Variants in ACACA observed in about 807,000 individuals in gnomAD.
ACACA encodes the protein acetyl-CoA carboxylase 1.
A neutral mutation model predicts 296.1 loss-of-function variants in ACACA; 103 were observed. The ratio of observed to expected loss-of-function variants is 0.35; its 90% CI spans 0.30 to 0.41. The LOEUF (loss-of-function observed/expected upper bound fraction) is 0.41. Among genes scored for constraint, ACACA ranks in the 10% least tolerant of loss-of-function variants. ACACA has a pLI of 1.00. For missense variants in ACACA, 1,554 were observed against 2,989.7 expected (o/e 0.52, Z 11.20); for synonymous variants, 953 against 1,038.6 (o/e 0.92, Z 1.58).
At chr17:37,392,479 T>C (rs1274958461) in intron 1 of ACACA, 1 of 152,142 alleles carries the variant, frequency 6.6e-6, no homozygotes, top group East Asian at 1.9e-4. Flanking sequence ...CCTGCTTAAA[T>C]AAGAGTTTGG....
chr17:37,329,213 T>G (rs899337196), intron 3 of ACACA, among the ~76,000 whole-genome samples: 3 of 152,186 alleles, frequency 2.0e-5, no homozygotes, highest in Non-Finnish European at 4.4e-5. Context: ...CAAAAAAACT[T>G]ACTACGAAGT....
chr17:37,263,894 C>T lies in ACACA; in HGVS notation c.1120G>A (p.Val374Ile), dbSNP rs898693453. 1 of 1,613,242 alleles carries T rather than the reference C, an allele frequency of 6.2e-7. No individual in the cohort carries two copies. Residue 374 changes from valine (V) to isoleucine (I), a missense_variant and splice_region_variant, in exon 11 of 56, where the codon GTT (valine) becomes ATT (isoleucine). Val to Ile is a conservative substitution (Grantham distance 29). This residue lies in a region of ACACA where 82 missense variants were observed against 185.2 expected (regional missense o/e 0.44). Coordinates refer to ENST00000616317, the MANE Select transcript of ACACA (RefSeq NM_198834.3). ...ADDFPNLFRQ[V>I]QAEVPGSPIF... is the part of the protein sequence containing the mutation. ...GGAGATCCAGGAACTTCAGCTTGAA[C>T]CTGTATTAGAAAAGGGGGAAAAAAA...
chr17:37,086,128 G>A lies in ACACA; in HGVS notation c.*1188C>T. On this transcript the variant is annotated 3_prime_UTR_variant, in exon 56 of 56. Coordinates refer to ENST00000616317, the MANE Select transcript of ACACA (RefSeq NM_198834.3). ...ATAATCTTAAGGTCATGTGGATTCT[G>A]TGTTTCCTGGAAGCCTCCCTCATCA... is the stretch of plus-strand genomic sequence containing the variant. 2 of 231,144 alleles carry A rather than the reference G, an allele frequency of 8.7e-6. No individual in the cohort carries two copies. The highest frequency in any genetic ancestry group is 5.7e-5 in the Admixed American group (1 of 17,496). The allele number at this position is 231,144 out of a possible 1,614,324, so 14.3% of individuals were successfully genotyped here.
At chr17:37,370,303 G>A (rs766886100) in intron 1 of ACACA, among the ~76,000 whole-genome samples, 3 of 151,788 alleles carry the variant, frequency 2.0e-5, no homozygotes, top group Non-Finnish European at 4.4e-5. Flanking sequence ...ACAGTGTCCA[G>A]CTGATAATAT....
chr17:37,268,922 T>C (rs2146363499), intron 10 of ACACA, among the ~76,000 whole-genome samples: 1 of 151,168 alleles, frequency 6.6e-6, no homozygotes, highest in South Asian at 2.1e-4. Flanking sequence ...TTTTGAAATG[T>C]CTGTAAGAGT....
chr17:37,385,175 T>C (rs1398651792), intron 1 of ACACA, among the ~76,000 whole-genome samples: 2 of 151,944 alleles, frequency 1.3e-5, no homozygotes, highest in African/African-American at 2.4e-5. Flanking sequence ...CAGAGATCCT[T>C]TGAAAGCAAG....
At chr17:37,381,838 A>AG (rs1484860389) in intron 1 of ACACA, among the ~76,000 whole-genome samples, 2 of 151,648 alleles carry the variant, frequency 1.3e-5, no homozygotes, top group Non-Finnish European at 2.9e-5. Flanking sequence ...CGTGTTGGCC[A>AG]GGATGGTCTC....
intron 45 of ACACA, among the ~76,000 whole-genome samples, chr17:37,134,976 G>A (rs1016251980): frequency 6.6e-6 from 1 of 151,890 alleles, no homozygotes; most frequent in Non-Finnish European, 1.5e-5. Context: ...GGTAAAATAG[G>A]GACAAAAGAA....
intron 1 of ACACA, chr17:37,379,126 T>C: frequency 2.5e-6 from 4 of 1,608,974 alleles, no homozygotes; most frequent in African/African-American, 2.7e-5. Context: ...ATCTGGTTCT[T>C]CTCCTTCCAG....
chr17:37,388,922 C>T, intron 1 of ACACA: 1 of 1,220,336 alleles, frequency 8.2e-7, no homozygotes, highest in Non-Finnish European at 1.1e-6. Context: ...CTCACACTCA[C>T]TAGCTGAGTG....
intron 41 of ACACA, among the ~76,000 whole-genome samples, chr17:37,172,989 T>A (rs1056673908): frequency 6.6e-6 from 1 of 152,168 alleles, no homozygotes; most frequent in East Asian, 1.9e-4. Context: ...TGACACTGAC[T>A]CAATTTCTAT....
At chr17:37,388,816 A>ATCCTTGAACT (rs774289766) in intron 1 of ACACA, 1 of 1,611,954 alleles carries the variant, frequency 6.2e-7, no homozygotes, top group Admixed American at 1.7e-5. Context: ...GTTGTATTGA[A>ATCCTTGAACT]TCCTTGAACT....
Position 37,149,072 on chromosome 17 carries a change from T to C in ACACA, c.5679+792A>G, listed in dbSNP as rs76978382. Among the ~76,000 whole-genome samples the C allele has an allele frequency of 9.1e-3, 1,385 of 152,344 alleles. 9 individuals carry two copies. The highest frequency in any genetic ancestry group is 0.03 in the African/African-American group (1,233 of 41,574). On this transcript the variant is annotated intron_variant, in intron 45 of 55. Coordinates refer to ENST00000616317, the MANE Select transcript of ACACA (RefSeq NM_198834.3). The stretch of plus-strand genomic sequence containing the variant: ...TTGCAAAGATGTCAGAACTGCACTG[T>C]CCTTTATACATTCAGGTATTCTTGG...
At chr17:37,378,542 A>G (rs2050105330) in intron 1 of ACACA, among the ~76,000 whole-genome samples, 1 of 151,898 alleles carries the variant, frequency 6.6e-6, no homozygotes, top group African/African-American at 2.4e-5. Context: ...GTGAAACCCC[A>G]TCTCTACTAA....
intron 52 of ACACA, among the ~76,000 whole-genome samples, chr17:37,105,250 CA>C (rs1262623430): frequency 6.6e-6 from 1 of 152,162 alleles, no homozygotes; most frequent in East Asian, 1.9e-4. Flanking sequence ...ACAACAATCC[CA>C]GTCTGGCAAA....
At chr17:37,297,346 C>G (rs1405022055) in intron 3 of ACACA, among the ~76,000 whole-genome samples, 1 of 149,982 alleles carries the variant, frequency 6.7e-6, no homozygotes, top group Admixed American at 6.7e-5. Flanking sequence ...GAGGCTGAGG[C>G]AGGGGAATCG....
At chr17:37,386,088 T>C in intron 1 of ACACA, 1 of 1,598,424 alleles carries the variant, frequency 6.3e-7, no homozygotes, top group Non-Finnish European at 8.6e-7. Flanking sequence ...CTTCTATAAC[T>C]CCTGGGAATA....
At chr17:37,351,914 T>C (rs2048918555) in intron 1 of ACACA, among the ~76,000 whole-genome samples, 1 of 148,030 alleles carries the variant, frequency 6.8e-6, no homozygotes, top group Non-Finnish European at 1.5e-5. Context: ...AACACCAGGC[T>C]TTCACAGGCT....
At position 37,149,982 on chromosome 17, in the gene ACACA, A is replaced by T. The variant is rs757492109; in HGVS notation, c.5569-8T>A. The stretch of plus-strand genomic sequence containing the variant: ...AATGGCCCGGCACGTCACCTTAGAA[A>T]AGAATAAATTCTACATGTCACATAT... On this transcript the variant is annotated splice_region_variant and splice_polypyrimidine_tract_variant and intron_variant, in intron 44 of 55. Transcript: ENST00000616317. The T allele has an allele frequency of 4.3e-6, 7 of 1,613,220 alleles. No individual in the cohort carries two copies. In the South Asian group the frequency reaches 7.7e-5, roughly 18 times the overall value.
Sources: gnomAD v4.1 joint callset for allele counts (sites outside exome capture counted in the v4.1 genomes callset) on GRCh38, gnomAD v4.1.1 for gene constraint, gnomAD v4.1.1 regional missense constraint, MANE v1.5 for transcripts, NCBI Gene and HGNC (gene_info 2026-07-23, HGNC 2026-07-21) for gene names.